The following XKR4 variants were observed in gnomAD, a reference collection of about 807,000 sequenced individuals.
The protein encoded by XKR4 is XK-related protein 4.
Under a neutral mutation model 53.9 loss-of-function variants are expected in XKR4, and 12 were observed. The ratio of observed to expected loss-of-function variants is 0.22; its 90% CI spans 0.14 to 0.36. The LOEUF is 0.36. XKR4 is among the 10% of genes least tolerant of loss of function. The pLI, the probability that XKR4 is intolerant of heterozygous loss-of-function variation, is 1.00. For missense variants in XKR4, 799 were observed against 859.5 expected (o/e 0.93, Z 0.88); for synonymous variants, 354 against 362.4 (o/e 0.98, Z 0.26).
chr8:55,379,545 A>G (rs903465124), intron 2 of XKR4, among the ~76,000 whole-genome samples: 2 of 152,204 alleles, frequency 1.3e-5, no homozygotes, highest in African/African-American at 4.8e-5. Flanking sequence ...TTAATTTCTC[A>G]GAGCACAGAC....
chr8:55,354,266 A>G (rs1185310986), intron 1 of XKR4, among the ~76,000 whole-genome samples: 1 of 152,234 alleles, frequency 6.6e-6, no homozygotes, highest in South Asian at 2.1e-4. Flanking sequence ...CAATGATCCA[A>G]TGCAGGGGTG....
chr8:55,146,060 A>T (rs1816769815), intron 1 of XKR4, among the ~76,000 whole-genome samples: 1 of 152,230 alleles, frequency 6.6e-6, no homozygotes, highest in South Asian at 2.1e-4. Context: ...ATGAAATGAC[A>T]TTGTAACCTG....
intron 2 of XKR4, chr8:55,454,880 C>A: frequency 1.3e-6 from 1 of 763,864 alleles, no homozygotes; most frequent in South Asian, 1.4e-5. Flanking sequence ...TAGCGCGTGT[C>A]GTTTCCTGCT....
intron 1 of XKR4, among the ~76,000 whole-genome samples, chr8:55,346,685 A>ATATGTGTGTGTGTG (rs1554519559): frequency 7.2e-6 from 1 of 138,396 alleles, no homozygotes; most frequent in African/African-American, 2.7e-5. Context: ...TGTTGAGGTT[A>ATATGTGTGTGTGTG]TGTGTGTGTG....
chr8:55,107,130 A>G (rs1816160406), intron 1 of XKR4, among the ~76,000 whole-genome samples: 1 of 152,180 alleles, frequency 6.6e-6, no homozygotes, highest in African/African-American at 2.4e-5. Context: ...TTTTATTGGC[A>G]CTTTAAAAAT....
intron 1 of XKR4, among the ~76,000 whole-genome samples, chr8:55,228,377 T>C (rs984408876): frequency 2.0e-5 from 3 of 152,208 alleles, no homozygotes; most frequent in African/African-American, 7.2e-5. Flanking sequence ...AAAAAATAAC[T>C]ACTATTCATC....
chr8:55,159,442 C>T (rs777849368), intron 1 of XKR4, among the ~76,000 whole-genome samples: 6 of 152,040 alleles, frequency 3.9e-5, no homozygotes, highest in Admixed American at 1.3e-4. Flanking sequence ...CAAGGCAATA[C>T]GTGCTATAAA....
intron 1 of XKR4, among the ~76,000 whole-genome samples, chr8:55,185,799 G>A (rs1253786978): frequency 6.6e-6 from 1 of 152,124 alleles, no homozygotes; most frequent in Non-Finnish European, 1.5e-5. Flanking sequence ...GAGAGTATAA[G>A]AGAGTTTGAT....
At chr8:55,462,814 G>A (rs554551990) in intron 2 of XKR4, among the ~76,000 whole-genome samples, 241 of 152,146 alleles carry the variant, frequency 1.6e-3, no homozygotes, top group African/African-American at 5.1e-3. Flanking sequence ...AAAAAGGCAG[G>A]GGTTGCAATC....
chr8:55,457,146 C>CTTTTCTTTTTTTTTTTTTTTTTTTT, intron 2 of XKR4, among the ~76,000 whole-genome samples: 1 of 137,262 alleles, frequency 7.3e-6, no homozygotes, highest in Non-Finnish European at 1.6e-5. Context: ...TTTTCCTTTT[C>CTTTTCTTTTTTTTTTTTTTTTTTTT]TTTTTTTTTT....
At chr8:55,323,423 T>A (rs944489066) in intron 1 of XKR4, among the ~76,000 whole-genome samples, 1 of 152,244 alleles carries the variant, frequency 6.6e-6, no homozygotes, top group Admixed American at 6.5e-5. Flanking sequence ...TTTTCCAGAA[T>A]GTCATATAAA....
In XKR4 at chr8:55,541,528, A is replaced by C. The variant is rs767374464; in HGVS notation, c.*17301A>C. The C allele has an allele frequency of 1.3e-5, 2 of 152,094 alleles. No homozygotes were observed. The highest frequency in any genetic ancestry group is 2.9e-5 in the Non-Finnish European group (2 of 68,030). 9.4% of individuals were successfully genotyped at this position (152,094 alleles called of 1,614,324 possible). ...TCTGCATGACATTCTGATTGTGCAA[A>C]AATGCCATTCCTGTGCTTCCCCCTC... On this transcript the variant is annotated 3_prime_UTR_variant, in exon 3 of 3. Coordinates refer to ENST00000327381, the MANE Select transcript of XKR4 (RefSeq NM_052898.2).
chr8:55,197,290 A>C (rs1585932605), intron 1 of XKR4, among the ~76,000 whole-genome samples: 3 of 152,174 alleles, frequency 2.0e-5, no homozygotes, highest in African/African-American at 7.2e-5. Context: ...ACACACCTCT[A>C]TATTAGGTGA....
At chr8:55,211,503 C>CCTA (rs1209520530) in intron 1 of XKR4, among the ~76,000 whole-genome samples, 2 of 152,172 alleles carry the variant, frequency 1.3e-5, no homozygotes, top group African/African-American at 4.8e-5. Flanking sequence ...TAGGTCTTTA[C>CCTA]TATGGTATGT....
chr8:55,470,953 T>C (rs1333557929), intron 2 of XKR4, among the ~76,000 whole-genome samples: 1 of 152,138 alleles, frequency 6.6e-6, no homozygotes, highest in African/African-American at 2.4e-5. Flanking sequence ...ACCTTGAGTC[T>C]GTAGACAATG....
intron 1 of XKR4, among the ~76,000 whole-genome samples, chr8:55,289,525 A>G (rs1279191184): frequency 2.6e-5 from 3 of 115,426 alleles, no homozygotes; most frequent in Non-Finnish European, 5.4e-5. Flanking sequence ...AAAAAAAAAA[A>G]AAGAAAAGAA....
intron 1 of XKR4, among the ~76,000 whole-genome samples, chr8:55,350,555 A>G (rs1336469433): frequency 6.6e-6 from 1 of 152,136 alleles, no homozygotes; most frequent in Non-Finnish European, 1.5e-5. Flanking sequence ...CAAAAAGACC[A>G]ATACTGTATG....
intron 1 of XKR4, among the ~76,000 whole-genome samples, chr8:55,153,248 A>G (rs1461589915): frequency 6.6e-6 from 1 of 152,224 alleles, no homozygotes; most frequent in Admixed American, 6.5e-5. Flanking sequence ...TCTTGGTCCA[A>G]CTGAGTTATA....
At chr8:55,449,086 T>TAAA (rs11371239) in intron 2 of XKR4, among the ~76,000 whole-genome samples, 2 of 148,526 alleles carry the variant, frequency 1.3e-5, no homozygotes, top group Non-Finnish European at 3.0e-5. Flanking sequence ...CCTCTCAGGT[T>TAAA]AAAAAAAAAA....
Sources: allele counts gnomAD v4.1 joint callset (sites outside exome capture counted in the v4.1 genomes callset), GRCh38; gene constraint gnomAD v4.1.1; transcripts MANE v1.5; gene names NCBI Gene and HGNC (gene_info 2026-07-23, HGNC 2026-07-21).